The following CSMD1 variants were observed in gnomAD, a reference collection of about 807,000 sequenced individuals.
CSMD1 encodes the protein CUB and sushi domain-containing protein 1.
A neutral mutation model predicts 417.5 loss-of-function variants in CSMD1; 213 were observed. The ratio of observed to expected loss-of-function variants is 0.51; its 90% CI spans 0.46 to 0.57. The LOEUF is 0.57. CSMD1 is among the 20% of genes least tolerant of loss of function. The probability of loss-of-function intolerance (pLI) is 0.00; values close to 1 mark genes in which losing one functional copy is unlikely to be tolerated. For synonymous variants in CSMD1, 2,862 were observed against 1,736.8 expected (o/e 1.65, Z -16.11); for missense variants, 6,923 against 4,529.7 (o/e 1.53, Z -15.17).
chr8:4,306,562 C>G (rs1394477), intron 3 of CSMD1, among the ~76,000 whole-genome samples: 15 of 151,802 alleles, frequency 9.9e-5, no homozygotes, highest in Admixed American at 8.5e-4. Context: ...TGCAAAAAAA[C>G]AGCTCCCTGC....
chr8:3,825,350 T>G (rs963221067), intron 5 of CSMD1, among the ~76,000 whole-genome samples: 5 of 152,048 alleles, frequency 3.3e-5, no homozygotes, highest in African/African-American at 1.2e-4. Flanking sequence ...GCCAACATGG[T>G]GAAACCTTGT....
At chr8:3,984,853 G>C (rs867493263) in intron 5 of CSMD1, among the ~76,000 whole-genome samples, 1 of 150,428 alleles carries the variant, frequency 6.6e-6, no homozygotes. Flanking sequence ...CAAGAAGAAA[G>C]CCAGAAATGA....
intron 4 of CSMD1, among the ~76,000 whole-genome samples, chr8:4,001,953 G>C (rs1463025784): frequency 6.6e-6 from 1 of 152,092 alleles, no homozygotes. Flanking sequence ...ATATGTTAAT[G>C]TCCATAGAAT....
intron 7 of CSMD1, among the ~76,000 whole-genome samples, chr8:3,674,551 T>C (rs1009232205): frequency 7.2e-5 from 11 of 152,128 alleles, no homozygotes; most frequent in African/African-American, 2.4e-4. Context: ...ATTAAATGCT[T>C]ACTATGTATC....
chr8:3,886,475 G>C (rs187124436), intron 5 of CSMD1, among the ~76,000 whole-genome samples: 14 of 152,316 alleles, frequency 9.2e-5, no homozygotes, highest in African/African-American at 1.9e-4. Flanking sequence ...TTTTGGTTTT[G>C]TCAGCCATAC....
At chr8:4,475,939 T>C (rs1420142985) in intron 2 of CSMD1, among the ~76,000 whole-genome samples, 1 of 152,176 alleles carries the variant, frequency 6.6e-6, no homozygotes, top group Non-Finnish European at 1.5e-5. Flanking sequence ...TTGGTGTTAT[T>C]GCTGTTGGTT....
At chr8:3,179,033 T>G (rs547639630) in intron 37 of CSMD1, among the ~76,000 whole-genome samples, 1 of 151,468 alleles carries the variant, frequency 6.6e-6, no homozygotes, top group African/African-American at 2.4e-5. Context: ...CTGCAAGCTC[T>G]GCCTCCCGGG....
rs74837736 is a variant in CSMD1 at position 3,922,855 on chromosome 8, T to C, written c.818+75048A>G. Among the ~76,000 whole-genome samples, 105 of 152,242 alleles carry C rather than the reference T, an allele frequency of 6.9e-4. 1 individual carries two copies. The East Asian group carries it at 0.016, about 24-fold the overall frequency. ...TGGTGTACAACATGGCCTTCAGATATTGGGATATGTGGAGGAAAAGTTAAA... is the reference window on the plus strand; with the variant it reads ...TGGTGTACAACATGGCCTTCAGATACTGGGATATGTGGAGGAAAAGTTAAA... On this transcript the variant is annotated intron_variant, in intron 5 of 69. Transcript: ENST00000635120.
At chr8:3,382,838 T>A (rs1486419572) in intron 18 of CSMD1, among the ~76,000 whole-genome samples, 1 of 152,006 alleles carries the variant, frequency 6.6e-6, no homozygotes. Flanking sequence ...AGTGTGCATA[T>A]AGCAAAATTG....
intron 1 of CSMD1, among the ~76,000 whole-genome samples, chr8:4,852,638 G>A (rs1192954628): frequency 6.6e-6 from 1 of 152,176 alleles, no homozygotes; most frequent in African/African-American, 2.4e-5. Flanking sequence ...AAGTGGCTTT[G>A]GAACTAGGTA....
chr8:4,746,039 A>T (rs1324839959), intron 1 of CSMD1, among the ~76,000 whole-genome samples: 1 of 152,194 alleles, frequency 6.6e-6, no homozygotes, highest in East Asian at 1.9e-4. Context: ...TATGAAATTG[A>T]GTTTTTATTA....
chr8:3,979,021 T>A (rs1258004135), intron 5 of CSMD1, among the ~76,000 whole-genome samples: 1 of 152,226 alleles, frequency 6.6e-6, no homozygotes, highest in African/African-American at 2.4e-5. Context: ...AGAACAAAGA[T>A]GCTGCACAAC....
Position 2,942,459 on chromosome 8 carries a change from G to A in CSMD1, c.10535+13C>T. On this transcript the variant is annotated intron_variant, in intron 69 of 69. Coordinates refer to ENST00000635120, the MANE Select transcript of CSMD1 (RefSeq NM_033225.6). ...CTCACAACATTCTCAAACAGATGGT[G>A]TTTCTGCAGTACCTGTGTTTGTAGA... is the stretch of plus-strand genomic sequence containing the variant. 6.2e-7 allele frequency: 1 copy of A among 1,607,124 alleles called. No homozygotes were observed.
chr8:4,049,320 C>A (rs1391400335), intron 3 of CSMD1, among the ~76,000 whole-genome samples: 1 of 151,810 alleles, frequency 6.6e-6, no homozygotes, highest in Non-Finnish European at 1.5e-5. Flanking sequence ...CATCTCTGGC[C>A]TCTATCTACT....
At chr8:4,400,970 C>T (rs1043937532) in intron 3 of CSMD1, among the ~76,000 whole-genome samples, 2 of 151,766 alleles carry the variant, frequency 1.3e-5, no homozygotes, top group African/African-American at 4.8e-5. Context: ...TCTTATATTC[C>T]CTAAGTATTT....
intron 3 of CSMD1, among the ~76,000 whole-genome samples, chr8:4,270,776 C>G (rs968442758): frequency 1.3e-5 from 2 of 152,178 alleles, no homozygotes; most frequent in Non-Finnish European, 2.9e-5. Flanking sequence ...CGGCACCCCC[C>G]AGGGGGCTGT....
chr8:4,523,153 A>T (rs956840649), intron 2 of CSMD1, among the ~76,000 whole-genome samples: 1 of 152,188 alleles, frequency 6.6e-6, no homozygotes, highest in African/African-American at 2.4e-5. Flanking sequence ...ATTTTTGCTA[A>T]TGGTAATGAT....
chr8:3,085,868 TCCCTCTCCGGACCC>T (rs1305569464), intron 49 of CSMD1, among the ~76,000 whole-genome samples: 3 of 152,136 alleles, frequency 2.0e-5, no homozygotes, highest in Non-Finnish European at 4.4e-5. Flanking sequence ...GACATGAAGG[TCCCTCTCCGGACCC>T]CTTTGTGCTT....
At chr8:3,925,056 C>A in intron 5 of CSMD1, among the ~76,000 whole-genome samples, 1 of 152,168 alleles carries the variant, frequency 6.6e-6, no homozygotes, top group East Asian at 1.9e-4. Flanking sequence ...TGGGTCTCTG[C>A]ATCTGTTCTA....
Sources: allele counts gnomAD v4.1 joint callset (sites outside exome capture counted in the v4.1 genomes callset), GRCh38; gene constraint gnomAD v4.1.1; transcripts MANE v1.5; gene names NCBI Gene and HGNC (gene_info 2026-07-23, HGNC 2026-07-21).